Variants in CRTC3 observed in about 807,000 individuals in gnomAD.
CRTC3 encodes CREB-regulated transcription coactivator 3.
In CRTC3, 26 loss-of-function variants were observed where a neutral mutation model predicts 74.5. The observed-to-expected ratio is 0.35, with a 90% CI of 0.26 to 0.48. The LOEUF is 0.48. CRTC3 is among the 20% of genes least tolerant of loss of function. The pLI is 0.99. For synonymous variants in CRTC3, 377 were observed against 325.8 expected (o/e 1.16, Z -1.69); for missense variants, 760 against 787.3 (o/e 0.97, Z 0.41).
intron 2 of CRTC3, among the ~76,000 whole-genome samples, chr15:90,587,969 C>G (rs1165436332): frequency 6.6e-6 from 1 of 151,354 alleles, no homozygotes; most frequent in Non-Finnish European, 1.5e-5. Context: ...AAAATGGGGC[C>G]AGGCACAATG....
At position 90,530,759 on chromosome 15, in the gene CRTC3, C is replaced by G. The variant is rs576375769; in HGVS notation, c.132+556C>G. ...ATTCCGTGTCGAGTGTGAGGCTCTG[C>G]TCCTTTTACTCCTTGGAGGTGCTTT... On this transcript the variant is annotated intron_variant, in intron 1 of 14. Coordinates refer to ENST00000268184, the MANE Select transcript of CRTC3 (RefSeq NM_022769.5). This position sits in a 1 kb window ranked among gnomAD's most constrained non-coding sequence, Gnocchi z 6.2. 6.6e-6 allele frequency: 1 copy of G among 152,478 alleles called. No homozygotes were observed. Among genetic ancestry groups the G allele is most frequent in the East Asian group, 1.9e-4 (1 of 5,170 alleles). 9.4% of individuals were successfully genotyped at this position (152,478 alleles called of 1,614,324 possible). A position where few individuals can be genotyped will look rare whatever the true frequency, so the allele number is the denominator to read the frequency against.
At chr15:90,564,032 C>T (rs1967070121) in intron 2 of CRTC3, among the ~76,000 whole-genome samples, 1 of 152,188 alleles carries the variant, frequency 6.6e-6, no homozygotes, top group Non-Finnish European at 1.5e-5. Flanking sequence ...ATCATTTACT[C>T]TTTCTAGTAA....
chr15:90,533,044 C>T (rs1210056279), intron 1 of CRTC3, among the ~76,000 whole-genome samples: 7 of 129,492 alleles, frequency 5.4e-5, no homozygotes, highest in East Asian at 2.4e-4. Flanking sequence ...GGGATCGCAC[C>T]GCTGCACTCC....
In CRTC3 at chr15:90,643,161, C is replaced by T. The variant is rs1460424675; in HGVS notation, c.*1021C>T. 2.2e-5 allele frequency: 5 copies of T among 232,158 alleles called. No homozygotes were observed. In the East Asian group the frequency reaches 2.4e-4, roughly 11 times the overall value. The allele number at this position is 232,158 out of a possible 1,614,324, so 14.4% of individuals were successfully genotyped here. On this transcript the variant is annotated 3_prime_UTR_variant, in exon 15 of 15. Transcript: ENST00000268184. The stretch of plus-strand genomic sequence containing the variant: ...TTGAACCCGTAGCACCTAACACGTG[C>T]GTGGCAGCACAGTCGTGTGCTGGAG...
intron 3 of CRTC3, chr15:90,599,461 A>C (rs2151080540): frequency 6.6e-6 from 1 of 152,338 alleles, no homozygotes; most frequent in African/African-American, 2.4e-5. Flanking sequence ...GTTGTGGAGT[A>C]GTTTAAAGCC....
chr15:90,547,027 T>A (rs1179484623), intron 2 of CRTC3, among the ~76,000 whole-genome samples: 1 of 152,258 alleles, frequency 6.6e-6, no homozygotes, highest in Non-Finnish European at 1.5e-5. Flanking sequence ...GACTTCCATG[T>A]ACAGAAAAAC....
At chr15:90,619,175 G>A (rs896618560) in intron 8 of CRTC3, among the ~76,000 whole-genome samples, 15 of 152,098 alleles carry the variant, frequency 9.9e-5, no homozygotes, top group Middle Eastern at 3.4e-3. Context: ...GCTCTATGTC[G>A]TCCAGACCCA....
intron 2 of CRTC3, among the ~76,000 whole-genome samples, chr15:90,558,179 C>A (rs1966934251): frequency 1.3e-5 from 2 of 152,104 alleles, no homozygotes; most frequent in African/African-American, 4.8e-5. Context: ...TCAGCAAATT[C>A]TTGGTTCTGT....
chr15:90,530,278 G>C lies in CRTC3; in HGVS notation c.132+75G>C, dbSNP rs185055811. 1,770 of 913,306 alleles carry C rather than the reference G, an allele frequency of 1.9e-3. 41 individuals carry two copies. In the East Asian group the frequency reaches 0.082, roughly 42 times the overall value. 56.6% of individuals were successfully genotyped at this position (913,306 alleles called of 1,614,324 possible). A position where few individuals can be genotyped will look rare whatever the true frequency, so the allele number is the denominator to read the frequency against. On this transcript the variant is annotated intron_variant, in intron 1 of 14. Coordinates refer to ENST00000268184, the MANE Select transcript of CRTC3 (RefSeq NM_022769.5). The surrounding 1 kb of genome is among the most constrained non-coding windows in gnomAD (Gnocchi z 6.2). ...ACCCGCGCGGCGGGTGAGAGGTTGC[G>C]GGGCCAAGGCGATGGCGGGGCCGGG... is the stretch of plus-strand genomic sequence containing the variant.
intron 6 of CRTC3, among the ~76,000 whole-genome samples, chr15:90,608,790 A>C (rs1968291948): frequency 2.0e-5 from 3 of 152,186 alleles, no homozygotes; most frequent in African/African-American, 7.2e-5. Context: ...GGCATTTGCC[A>C]AAACACCCTC....
At chr15:90,618,907 G>A (rs762989115) in intron 8 of CRTC3, among the ~76,000 whole-genome samples, 5 of 152,216 alleles carry the variant, frequency 3.3e-5, no homozygotes, top group Non-Finnish European at 5.9e-5. Flanking sequence ...TTTATCAGAG[G>A]ATAACTATGT....
At chr15:90,631,908 AT>A (rs1029999331) in intron 11 of CRTC3, among the ~76,000 whole-genome samples, 5 of 149,522 alleles carry the variant, frequency 3.3e-5, no homozygotes, top group Non-Finnish European at 4.5e-5. Context: ...CATAATTTTT[AT>A]TTTTTTTTAG....
At chr15:90,541,429 A>G (rs746963384) in intron 2 of CRTC3, among the ~76,000 whole-genome samples, 1 of 152,230 alleles carries the variant, frequency 6.6e-6, no homozygotes, top group Non-Finnish European at 1.5e-5. Context: ...GTGATTAGAA[A>G]AAGTACTACA....
intron 5 of CRTC3, among the ~76,000 whole-genome samples, chr15:90,606,108 T>G (rs1968212554): frequency 6.6e-6 from 1 of 151,022 alleles, no homozygotes; most frequent in Non-Finnish European, 1.5e-5. Flanking sequence ...ATACAGAAAT[T>G]AGCCAGGCAT....
intron 2 of CRTC3, among the ~76,000 whole-genome samples, chr15:90,571,676 G>T (rs1312733647): frequency 6.6e-6 from 1 of 152,128 alleles, no homozygotes; most frequent in Non-Finnish European, 1.5e-5. Flanking sequence ...CATGAAACAT[G>T]AAAAGTAAAA....
At chr15:90,639,207 C>G (rs982078147) in intron 13 of CRTC3, among the ~76,000 whole-genome samples, 3 of 152,118 alleles carry the variant, frequency 2.0e-5, no homozygotes, top group Non-Finnish European at 4.4e-5. Flanking sequence ...GGCCTGCACC[C>G]AGGCTGGTGC....
chr15:90,552,709 A>T (rs2151062264), intron 2 of CRTC3, among the ~76,000 whole-genome samples: 1 of 152,328 alleles, frequency 6.6e-6, no homozygotes, highest in East Asian at 1.9e-4. Context: ...AATAGTAATT[A>T]TCCATAGGAT....
At chr15:90,558,438 T>TA (rs1281458259) in intron 2 of CRTC3, among the ~76,000 whole-genome samples, 3 of 152,154 alleles carry the variant, frequency 2.0e-5, no homozygotes, top group Non-Finnish European at 4.4e-5. Context: ...GCAGTCCCTG[T>TA]AGGGCCCCCA....
chr15:90,593,189 C>T (rs1397499926), intron 2 of CRTC3, among the ~76,000 whole-genome samples: 1 of 152,148 alleles, frequency 6.6e-6, no homozygotes, highest in Non-Finnish European at 1.5e-5. Flanking sequence ...TGACTTTTCC[C>T]TAGAATCCTC....
Sources: allele counts gnomAD v4.1 joint callset (sites outside exome capture counted in the v4.1 genomes callset), GRCh38; gene constraint gnomAD v4.1.1; non-coding constraint Gnocchi (gnomAD v3.1); transcripts MANE v1.5; gene names NCBI Gene and HGNC (gene_info 2026-07-23, HGNC 2026-07-21).